ZFHX3: variants seen among roughly 807,000 people sequenced by gnomAD.
ZFHX3 encodes zinc finger homeobox protein 3.
ZFHX3 carries 42 observed loss-of-function variants against 279.1 expected under a neutral mutation model. The ratio of observed to expected loss-of-function variants is 0.15; its 90% confidence interval spans 0.12 to 0.19. The LOEUF (loss-of-function observed/expected upper bound fraction) is 0.19, where lower values mean the gene tolerates loss of function less well. Ranked by LOEUF, ZFHX3 falls within the 10% of genes least tolerant of loss-of-function variation. The pLI is 1.00. For missense variants in ZFHX3, 4,981 were observed against 4,754.0 expected (o/e 1.05, Z -1.40); for synonymous variants, 2,293 against 1,957.8 (o/e 1.17, Z -4.52).
intron 9 of ZFHX3, among the ~76,000 whole-genome samples, chr16:72,791,953 A>G (rs768062921): frequency 6.6e-6 from 1 of 152,226 alleles, no homozygotes; most frequent in African/African-American, 2.4e-5. Context: ...AGCTGCTTTA[A>G]CCCCTGGGAA....
chr16:73,279,829 A>G (rs954582284), intron 4 of ZFHX3, among the ~76,000 whole-genome samples: 2 of 152,232 alleles, frequency 1.3e-5, no homozygotes, highest in African/African-American at 4.8e-5. Context: ...AGCTCCACAA[A>G]TAAGACACTG....
At chr16:73,773,782 G>C (rs2054046668) in intron 1 of ZFHX3, among the ~76,000 whole-genome samples, 1 of 152,162 alleles carries the variant, frequency 6.6e-6, no homozygotes. Flanking sequence ...GTAAAGAAAG[G>C]AGAGAAGGTT....
chr16:73,187,398 G>A (rs750141070), intron 5 of ZFHX3, among the ~76,000 whole-genome samples: 34 of 151,302 alleles, frequency 2.2e-4, no homozygotes, highest in Non-Finnish European at 4.4e-4. Flanking sequence ...ACAGAGAAAC[G>A]TCAAGGACAG....
intron 2 of ZFHX3, among the ~76,000 whole-genome samples, chr16:73,458,224 T>G (rs2018407924): frequency 6.6e-6 from 1 of 152,154 alleles, no homozygotes; most frequent in East Asian, 1.9e-4. Context: ...CCAGAGTGGT[T>G]ACCTGCCAAG....
intron 1 of ZFHX3, among the ~76,000 whole-genome samples, chr16:73,794,669 A>C (rs1959940496): frequency 6.6e-6 from 1 of 152,224 alleles, no homozygotes; most frequent in South Asian, 2.1e-4. Context: ...GGCTGAACCC[A>C]GATCTCAGAC....
intron 3 of ZFHX3, among the ~76,000 whole-genome samples, chr16:73,388,119 C>A (rs543887560): frequency 6.6e-6 from 1 of 152,036 alleles, no homozygotes; most frequent in African/African-American, 2.4e-5. Context: ...AGAAGCAATG[C>A]GGCAGGCTAT....
At chr16:73,246,726 G>A (rs2013291891) in intron 5 of ZFHX3, among the ~76,000 whole-genome samples, 1 of 152,240 alleles carries the variant, frequency 6.6e-6, no homozygotes, top group Admixed American at 6.5e-5. Context: ...AAAATAAGCA[G>A]CAATTTAGGG....
intron 1 of ZFHX3, among the ~76,000 whole-genome samples, chr16:73,776,201 A>C (rs924930394): frequency 6.6e-6 from 1 of 152,110 alleles, no homozygotes; most frequent in African/African-American, 2.4e-5. Context: ...GGGTCTGAGC[A>C]GGCATGGGGA....
chr16:73,672,703 G>T (rs770613416), intron 2 of ZFHX3, among the ~76,000 whole-genome samples: 1 of 151,392 alleles, frequency 6.6e-6, no homozygotes, highest in African/African-American at 2.4e-5. Flanking sequence ...CAACACTAAG[G>T]TTTTGTGGAC....
At chr16:73,362,693 G>T (rs114505359) in intron 3 of ZFHX3, among the ~76,000 whole-genome samples, 1 of 152,258 alleles carries the variant, frequency 6.6e-6, no homozygotes, top group Non-Finnish European at 1.5e-5. Context: ...CCACCAGCCA[G>T]TGGCACTGTC....
intron 4 of ZFHX3, among the ~76,000 whole-genome samples, chr16:72,887,064 C>T (rs1396456453): frequency 6.6e-6 from 1 of 152,208 alleles, no homozygotes; most frequent in Admixed American, 6.5e-5. Flanking sequence ...TACTGACTGT[C>T]GAAACCTCAA....
intron 5 of ZFHX3, chr16:73,144,406 A>G (rs1966855398): frequency 1.3e-5 from 2 of 152,250 alleles, no homozygotes; most frequent in Non-Finnish European, 2.9e-5. Flanking sequence ...AGAGAGAGTT[A>G]GAAAGGCAAA....
Position 72,788,243 on chromosome 16 carries a change from T to G in ZFHX3, c.10033A>C (p.Ser3345Arg), listed in dbSNP as rs1375916599. Residue 3345 changes from serine to arginine, a missense_variant, in exon 10 of 10, where the codon AGC becomes CGC. Transcript: ENST00000268489. ...ATCAGGGCCTGCGACAGTGCAGGGC[T>G]GTAGGGGAACAGGCCTTCCATGCCA... Reference protein sequence around the residue: ...MYGMEGLFPYSPALSQALMGL... With the variant: ...MYGMEGLFPYRPALSQALMGL... The G allele has an allele frequency of 6.2e-7, 1 of 1,614,134 alleles. No individual in the cohort carries two copies.
intron 3 of ZFHX3, among the ~76,000 whole-genome samples, chr16:73,367,222 T>C (rs566778378): frequency 1.3e-5 from 2 of 152,110 alleles, no homozygotes; most frequent in South Asian, 2.1e-4. Context: ...CATGGGAAAA[T>C]CGAGCTCCAT....
At chr16:73,526,850 CA>C (rs2019704145) in intron 2 of ZFHX3, among the ~76,000 whole-genome samples, 2 of 151,848 alleles carry the variant, frequency 1.3e-5, no homozygotes, top group East Asian at 3.9e-4. Flanking sequence ...CCATTCGAAG[CA>C]AAAGGGGCTT....
intron 4 of ZFHX3, among the ~76,000 whole-genome samples, chr16:72,838,908 T>C (rs568190193): frequency 1.3e-5 from 2 of 152,296 alleles, no homozygotes; most frequent in Admixed American, 1.3e-4. Context: ...GATTTTTTTT[T>C]TTTTTAATAA....
intron 3 of ZFHX3, among the ~76,000 whole-genome samples, chr16:72,943,834 C>T (rs942300397): frequency 1.3e-5 from 2 of 152,126 alleles, no homozygotes; most frequent in African/African-American, 4.8e-5. Context: ...AGCTCATTAT[C>T]TGCAGTATCC....
At chr16:73,436,816 A>G (rs775067468) in intron 3 of ZFHX3, among the ~76,000 whole-genome samples, 9 of 152,068 alleles carry the variant, frequency 5.9e-5, no homozygotes, top group Non-Finnish European at 1.3e-4. Context: ...GTTTGTCTCT[A>G]TGCTCTGGTA....
intron 1 of ZFHX3, among the ~76,000 whole-genome samples, chr16:73,834,933 C>G (rs1184728318): frequency 1.3e-5 from 2 of 151,858 alleles, no homozygotes; most frequent in Non-Finnish European, 2.9e-5. Flanking sequence ...GCCACATATA[C>G]TCCATTTAAC....
Sources: gnomAD v4.1 joint callset for allele counts (sites outside exome capture counted in the v4.1 genomes callset) on GRCh38, gnomAD v4.1.1 for gene constraint, MANE v1.5 for transcripts, NCBI Gene and HGNC (gene_info 2026-07-23, HGNC 2026-07-21) for gene names.